SLC1A6: variants seen among roughly 807,000 people sequenced by gnomAD.
SLC1A6 encodes the protein solute carrier family 1 member 6.
A neutral mutation model predicts 42.1 loss-of-function variants in SLC1A6; 15 were observed. The ratio of observed to expected loss-of-function variants is 0.36; its 90% CI spans 0.24 to 0.55. The LOEUF (loss-of-function observed/expected upper bound fraction) is 0.55. Ranked by LOEUF, SLC1A6 falls within the 20% of genes least tolerant of loss-of-function variation. The pLI is 0.88. For synonymous variants in SLC1A6, 317 were observed against 319.7 expected, an observed-to-expected ratio of 0.99 and a Z score of 0.09; for missense variants, 542 against 772.5, an observed-to-expected ratio of 0.70 and a Z score of 3.54.
chr19:14,963,621 A>G (rs907760544), intron 5 of SLC1A6, among the ~76,000 whole-genome samples: 1 of 152,194 alleles, frequency 6.6e-6, no homozygotes, highest in Admixed American at 6.5e-5. Flanking sequence ...TTTTTGAAGA[A>G]TAAGTGCCTG....
At chr19:14,982,480 G>A (rs1355408784), upstream of SLC1A6, among the ~76,000 whole-genome samples, 1 of 152,174 alleles carries the variant, frequency 6.6e-6, no homozygotes, top group Non-Finnish European at 1.5e-5. Flanking sequence ...AGTGAGCCAA[G>A]GTCGTGCCAC....
intron 1 of SLC1A6, among the ~76,000 whole-genome samples, chr19:15,001,746 G>A (rs922708108): frequency 2.0e-5 from 3 of 151,562 alleles, no homozygotes; most frequent in Non-Finnish European, 4.4e-5. Flanking sequence ...TTGCAGCCTC[G>A]ACCTCCCTTG....
Position 14,950,534 on chromosome 19 carries a change from G to A in SLC1A6, c.1500-144C>T, listed in dbSNP as rs2045401218. The A allele has an allele frequency of 1.0e-5, 5 of 501,912 alleles. No homozygotes were observed. In the East Asian group the frequency reaches 1.7e-4, roughly 17 times the overall value. 31.1% of individuals were successfully genotyped at this position (501,912 alleles called of 1,614,324 possible). A position where few individuals can be genotyped will look rare whatever the true frequency, so the allele number is the denominator to read the frequency against. ...TCCATGACCACATGTCCCCAAGCAG[G>A]TTCTTCCCCCTCTCTGCCCTGTTTC... On this transcript the variant is annotated intron_variant, in intron 9 of 9. Coordinates refer to ENST00000594383, the MANE Select transcript of SLC1A6 (RefSeq NM_005071.3).
At chr19:14,952,637 G>T (rs900605898) in intron 9 of SLC1A6, among the ~76,000 whole-genome samples, 1 of 151,988 alleles carries the variant, frequency 6.6e-6, no homozygotes, top group African/African-American at 2.4e-5. Flanking sequence ...CACCGCACCC[G>T]GCCTGGATCA....
At chr19:14,963,995 CT>C (rs34907139) in intron 5 of SLC1A6, 1,235 of 158,458 alleles carry the variant, frequency 7.8e-3, no homozygotes, top group Middle Eastern at 0.025. Flanking sequence ...TTTTTTTAAT[CT>C]TTTTTTTTTT....
chr19:14,963,845 T>C (rs202243193), intron 5 of SLC1A6, among the ~76,000 whole-genome samples: 4 of 137,328 alleles, frequency 2.9e-5, no homozygotes, highest in Non-Finnish European at 3.2e-5. Context: ...TTTTTTTTTT[T>C]CTTTTTTTGA....
chr19:14,956,086 G>T (rs1472364533), intron 7 of SLC1A6, among the ~76,000 whole-genome samples: 1 of 152,136 alleles, frequency 6.6e-6, no homozygotes, highest in Non-Finnish European at 1.5e-5. Flanking sequence ...AAAGGAGGAA[G>T]AGGATGAAGG....
intron 1 of SLC1A6, among the ~76,000 whole-genome samples, chr19:15,007,324 G>A (rs963049895): frequency 6.6e-6 from 1 of 152,216 alleles, no homozygotes; most frequent in African/African-American, 2.4e-5. Context: ...GACATGAAAT[G>A]TCCAGAACAG....
intron 1 of SLC1A6, among the ~76,000 whole-genome samples, chr19:15,001,547 C>A (rs931521424): frequency 6.6e-6 from 1 of 152,036 alleles, no homozygotes; most frequent in Non-Finnish European, 1.5e-5. Flanking sequence ...TGGGATGGGG[C>A]CAGATGGTAA....
chr19:14,966,678 T>A (rs577143499), intron 4 of SLC1A6, among the ~76,000 whole-genome samples: 2 of 152,172 alleles, frequency 1.3e-5, no homozygotes, highest in African/African-American at 4.8e-5. Flanking sequence ...ATATATGCCA[T>A]GCAAATACTA....
intron 1 of SLC1A6, among the ~76,000 whole-genome samples, chr19:15,003,008 T>C (rs769449376): frequency 6.7e-6 from 1 of 150,314 alleles, no homozygotes; most frequent in Non-Finnish European, 1.5e-5. Flanking sequence ...TGTAATAGAG[T>C]CTCTGTCTCA....
chr19:14,981,131 T>TAA (rs113293751), upstream of SLC1A6, among the ~76,000 whole-genome samples: 1 of 146,940 alleles, frequency 6.8e-6, no homozygotes, highest in African/African-American at 2.5e-5. Flanking sequence ...TGTCTCTATT[T>TAA]AAAAAAAAAA....
At chr19:14,968,869 A>G (rs2045605195) in intron 3 of SLC1A6, among the ~76,000 whole-genome samples, 1 of 141,430 alleles carries the variant, frequency 7.1e-6, no homozygotes, top group African/African-American at 2.8e-5. Flanking sequence ...TTTGAGACGG[A>G]CTCTCCTTCG....
chr19:14,972,794 C>T lies in SLC1A6; in HGVS notation c.117G>A (p.Leu39=). The change falls in exon 2 of 10, where the codon CTG becomes CTA. Residue 39 remains leucine, a synonymous_variant. Transcript: ENST00000594383. ...GCTCGAGGGTCATGGTCTGCAGGCGCAGGCGCGTGCGCAGTGCTCTCTGCT... is the reference window on the plus strand; with the variant it reads ...GCTCGAGGGTCATGGTCTGCAGGCGTAGGCGCGTGCGCAGTGCTCTCTGCT... ...SLQQRALRTR[L]RLQTMTLEHV... 1 of 1,613,372 alleles carries T rather than the reference C, an allele frequency of 6.2e-7. No individual in the cohort carries two copies. Among genetic ancestry groups the T allele is most frequent in the Non-Finnish European group, 8.5e-7 (1 of 1,179,842 alleles).
intron 4 of SLC1A6, among the ~76,000 whole-genome samples, chr19:14,965,956 C>G (rs894534746): frequency 1.3e-5 from 2 of 152,004 alleles, no homozygotes; most frequent in Non-Finnish European, 1.5e-5. Flanking sequence ...TACAGTATTT[C>G]TCACTTATAA....
At chr19:15,006,370 G>T (rs2045895625) in intron 1 of SLC1A6, among the ~76,000 whole-genome samples, 1 of 152,146 alleles carries the variant, frequency 6.6e-6, no homozygotes. Flanking sequence ...ATGAAAATTT[G>T]TTGAACCAGA....
intron 9 of SLC1A6, among the ~76,000 whole-genome samples, chr19:14,951,273 A>AG (rs1555704145): frequency 0.045 from 4,530 of 99,860 alleles, 189 homozygotes; most frequent in African/African-American, 0.11. Context: ...AAAAAAAAAA[A>AG]AAAAAGAAAG....
At chr19:14,969,664 G>A (rs940036210) in intron 3 of SLC1A6, among the ~76,000 whole-genome samples, 1 of 152,112 alleles carries the variant, frequency 6.6e-6, no homozygotes, top group African/African-American at 2.4e-5. Context: ...TCTCAGTCAG[G>A]CTCTGCTTCT....
At chr19:14,973,876 G>T (rs1272010715) in intron 1 of SLC1A6, 3 of 151,862 alleles carry the variant, frequency 2.0e-5, no homozygotes, top group Admixed American at 2.0e-4. Context: ...TGAGCAACAG[G>T]GAGAGCGGGG....
Sources: allele counts gnomAD v4.1 joint callset (sites outside exome capture counted in the v4.1 genomes callset), GRCh38; gene constraint gnomAD v4.1.1; transcripts MANE v1.5; gene names NCBI Gene and HGNC (gene_info 2026-07-23, HGNC 2026-07-21).